The following LRRC72 variants were observed in gnomAD, a reference collection of about 807,000 sequenced individuals.
The protein encoded by LRRC72 is leucine rich repeat containing 72, also known as leucine-rich repeat-containing protein 72.
A neutral mutation model predicts 35.8 loss-of-function variants in LRRC72; 41 were observed. The ratio of observed to expected loss-of-function variants is 1.15; its 90% CI spans 0.89 to 1.49. The LOEUF (loss-of-function observed/expected upper bound fraction) is 1.49. Among genes scored for constraint, LRRC72 ranks in the 40% most tolerant of loss-of-function variants. The pLI is 0.00. For synonymous variants in LRRC72, 118 were observed against 119.2 expected (o/e 0.99, Z 0.07); for missense variants, 389 against 330.7 (o/e 1.18, Z -1.37).
intron 7 of LRRC72, among the ~76,000 whole-genome samples, chr7:16,575,806 C>G (rs1373668299): frequency 6.6e-6 from 1 of 152,146 alleles, no homozygotes; most frequent in Admixed American, 6.5e-5. Flanking sequence ...AAAATCTCCC[C>G]TCTTAAAAAC....
At chr7:16,568,867 T>C (rs1782894747) in intron 7 of LRRC72, among the ~76,000 whole-genome samples, 1 of 152,214 alleles carries the variant, frequency 6.6e-6, no homozygotes, top group African/African-American at 2.4e-5. Flanking sequence ...ATCGAAAGTT[T>C]TTAAAATGCT....
chr7:16,574,200 G>A (rs1378215906), intron 7 of LRRC72, among the ~76,000 whole-genome samples: 2 of 152,062 alleles, frequency 1.3e-5, no homozygotes, highest in Non-Finnish European at 2.9e-5. Flanking sequence ...ACACTCTTGG[G>A]GCAGTGTAAA....
At chr7:16,574,025 T>A (rs1782995048) in intron 7 of LRRC72, among the ~76,000 whole-genome samples, 1 of 152,168 alleles carries the variant, frequency 6.6e-6, no homozygotes. Flanking sequence ...AAAACATTTA[T>A]GCAGCCAACA....
intron 2 of LRRC72, among the ~76,000 whole-genome samples, chr7:16,536,715 T>C: frequency 6.6e-6 from 1 of 152,140 alleles, no homozygotes; most frequent in East Asian, 1.9e-4. Flanking sequence ...TTATAAAAAT[T>C]AGAAAAATAT....
chr7:16,533,288 C>A (rs73297260), intron 2 of LRRC72, among the ~76,000 whole-genome samples: 1 of 152,036 alleles, frequency 6.6e-6, no homozygotes, highest in African/African-American at 2.4e-5. Context: ...TGATTCCACT[C>A]GAACTCCCCA....
At chr7:16,550,601 A>G (rs62441151) in intron 3 of LRRC72, among the ~76,000 whole-genome samples, 1,954 of 152,356 alleles carry the variant, frequency 0.013, 23 homozygotes, top group Non-Finnish European at 0.023. Flanking sequence ...TCCCAGTTGC[A>G]ACAACTTTCA....
intron 3 of LRRC72, among the ~76,000 whole-genome samples, chr7:16,556,070 T>TAAAAAA (rs34275623): frequency 2.7e-5 from 4 of 147,756 alleles, no homozygotes; most frequent in African/African-American, 9.9e-5. Flanking sequence ...GAGTCAATAC[T>TAAAAAA]AAAAAAAAAA....
At chr7:16,542,255 C>T (rs1430962362) in intron 3 of LRRC72, among the ~76,000 whole-genome samples, 2 of 152,070 alleles carry the variant, frequency 1.3e-5, no homozygotes, top group Admixed American at 1.3e-4. Flanking sequence ...AGAAAGGGAT[C>T]GCATGCACCA....
At chr7:16,560,937 C>A (rs1231890051) in intron 5 of LRRC72, among the ~76,000 whole-genome samples, 1 of 152,050 alleles carries the variant, frequency 6.6e-6, no homozygotes, top group Non-Finnish European at 1.5e-5. Context: ...GCATTTAAAT[C>A]TTTACAGCAT....
At chr7:16,564,635 C>A (rs1370009119) in intron 5 of LRRC72, among the ~76,000 whole-genome samples, 1 of 152,044 alleles carries the variant, frequency 6.6e-6, no homozygotes, top group Non-Finnish European at 1.5e-5. Context: ...ACTCCTGTAA[C>A]TTTTGTTTAT....
intron 7 of LRRC72, 143 bp downstream of exon 7, chr7:16,567,686 G>C (rs983388040): frequency 3.8e-6 from 3 of 797,852 alleles, no homozygotes; most frequent in Admixed American, 7.1e-5. Flanking sequence ...TAATATATTT[G>C]CTAACCTTAT....
intron 5 of LRRC72, among the ~76,000 whole-genome samples, chr7:16,560,137 C>T (rs7780726): frequency 0.23 from 35,193 of 152,036 alleles, 4,911 homozygotes; most frequent in African/African-American, 0.36. Flanking sequence ...TACAGATCAA[C>T]GAGTAGGTTT....
At position 16,550,681 on chromosome 7, in the gene LRRC72, T is replaced by G. The variant is rs6942710; in HGVS notation, c.235-6679T>G. ...TCACTTGCTGGTATTGCTGCTACTT[T>G]TTGATTTTTCTCTTCTAGAAAATAG... On this transcript the variant is annotated intron_variant, in intron 3 of 8. Transcript: ENST00000401542. Among the ~76,000 whole-genome samples the G allele has an allele frequency of 1.1e-4, 16 of 152,086 alleles. No homozygotes were observed. In the East Asian group the frequency reaches 3.1e-3, roughly 29 times the overall value.
At chr7:16,545,154 G>A (rs549551974) in intron 3 of LRRC72, among the ~76,000 whole-genome samples, 2 of 152,250 alleles carry the variant, frequency 1.3e-5, no homozygotes, top group South Asian at 4.1e-4. Context: ...TTCTGCACAC[G>A]TATCCCAGAA....
At position 16,557,456 on chromosome 7, in the gene LRRC72, C is replaced by G. The variant is rs1197981709; in HGVS notation, c.316+15C>G. ...TGAGATAGAAGGTACGTCTTAAATT[C>G]TCTGTTGATTTAATAAATTTTCAAT... On this transcript the variant is annotated intron_variant, in intron 4 of 8. Coordinates refer to ENST00000401542, the MANE Select transcript of LRRC72 (RefSeq NM_001195280.2). 5.7e-6 allele frequency: 6 copies of G among 1,060,800 alleles called. No homozygotes were observed. Among genetic ancestry groups the G allele is most frequent in the Non-Finnish European group, 7.5e-6 (6 of 796,132 alleles). 65.7% of individuals were successfully genotyped at this position (1,060,800 alleles called of 1,614,324 possible). A position where few individuals can be genotyped will look rare whatever the true frequency, so the allele number is the denominator to read the frequency against.
At chr7:16,560,020 A>G (rs1015974563) in intron 5 of LRRC72, among the ~76,000 whole-genome samples, 1 of 152,154 alleles carries the variant, frequency 6.6e-6, no homozygotes, top group African/African-American at 2.4e-5. Context: ...TAAATAAATA[A>G]TACACCACTC....
intron 1 of LRRC72, among the ~76,000 whole-genome samples, chr7:16,528,106 C>T (rs1228110846): frequency 1.3e-5 from 2 of 152,160 alleles, no homozygotes; most frequent in Admixed American, 1.3e-4. Flanking sequence ...GTGACATCCT[C>T]CACCAGCCAA....
chr7:16,544,412 G>A (rs1001383512), intron 3 of LRRC72, among the ~76,000 whole-genome samples: 12 of 152,102 alleles, frequency 7.9e-5, no homozygotes, highest in African/African-American at 2.7e-4. Context: ...ATATTCATTA[G>A]TGCTGCATCT....
At chr7:16,569,055 A>G (rs1782897650) in intron 7 of LRRC72, among the ~76,000 whole-genome samples, 1 of 152,218 alleles carries the variant, frequency 6.6e-6, no homozygotes. Flanking sequence ...AAATATTGGT[A>G]TATGCCCACA....
Sources: gnomAD v4.1 joint callset for allele counts (sites outside exome capture counted in the v4.1 genomes callset) on GRCh38, gnomAD v4.1.1 for gene constraint, MANE v1.5 for transcripts, NCBI Gene and HGNC (gene_info 2026-07-23, HGNC 2026-07-21) for gene names.